Variants in CACNB2 observed in about 807,000 individuals in gnomAD.
The protein encoded by CACNB2 is voltage-dependent L-type calcium channel subunit beta-2.
A neutral mutation model predicts 73.3 loss-of-function variants in CACNB2; 42 were observed. The ratio of observed to expected loss-of-function variants is 0.57; its 90% CI spans 0.45 to 0.74. CACNB2 has a LOEUF of 0.74. Ranked by LOEUF, CACNB2 falls within the 30% of genes least tolerant of loss-of-function variation. The probability of loss-of-function intolerance (pLI) is 0.00; values close to 1 mark genes in which losing one functional copy is unlikely to be tolerated. For synonymous variants in CACNB2, 348 were observed against 310.3 expected (o/e 1.12, Z -1.28); for missense variants, 940 against 853.0 (o/e 1.10, Z -1.27).
chr10:18,418,064 TTTTG>T lies in CACNB2; in HGVS notation c.333+16033_333+16036del, dbSNP rs1199867784. On this transcript the variant is annotated intron_variant, in intron 3 of 13. Coordinates refer to ENST00000324631, the MANE Select transcript of CACNB2 (RefSeq NM_201596.3). ...AGTGCAGGAGTGCAGGGTTGTGGTT[TTTTG>T]TTTGTTTGTTTATTTGTTTGTTTTT... Among the ~76,000 whole-genome samples, 29 of 152,040 alleles carry T rather than the reference TTTTG, an allele frequency of 1.9e-4. No homozygotes were observed. In the East Asian group the frequency reaches 4.8e-3, roughly 25 times the overall value.
At position 18,212,362 on chromosome 10, in the gene CACNB2, T is replaced by C. The variant is rs574607037; in HGVS notation, c.213+61387T>C. Among the ~76,000 whole-genome samples the C allele has an allele frequency of 5.4e-5, 4 of 73,902 alleles. No individual in the cohort carries two copies. In the East Asian group the frequency reaches 7.3e-4, roughly 13 times the overall value. The allele number at this position is 73,902 out of a possible 152,430, so 48.5% of individuals were successfully genotyped here. ...ACTTGATACCTTTTGCCATATATTG[T>C]GTTTTTTTGCTTTTTATATTGATTT... On this transcript the variant is annotated intron_variant, in intron 2 of 13. Coordinates refer to ENST00000324631, the MANE Select transcript of CACNB2 (RefSeq NM_201596.3).
chr10:18,331,457 TA>T lies in CACNB2; in HGVS notation c.214-70452del, dbSNP rs559677087. On this transcript the variant is annotated intron_variant, in intron 2 of 13. Coordinates refer to ENST00000324631, the MANE Select transcript of CACNB2 (RefSeq NM_201596.3). ...GAACATAGCTAGATGGCATCTCATT[TA>T]AAAAAAAAAAAAAAGGATGGGGGGG... Among the ~76,000 whole-genome samples the T allele has an allele frequency of 9.0e-3, 1,249 of 138,124 alleles. 4 individuals carry two copies. Among genetic ancestry groups the T allele is most frequent in the African/African-American group, 0.016 (595 of 37,572 alleles). 90.6% of individuals were successfully genotyped at this position (138,124 alleles called of 152,430 possible). A position where few individuals can be genotyped will look rare whatever the true frequency, so the allele number is the denominator to read the frequency against.
At chr10:18,368,646 T>C (rs2042451406) in intron 2 of CACNB2, among the ~76,000 whole-genome samples, 1 of 152,216 alleles carries the variant, frequency 6.6e-6, no homozygotes, top group African/African-American at 2.4e-5. Context: ...AATAAAAGAA[T>C]GTAAATGTAT....
intron 2 of CACNB2, among the ~76,000 whole-genome samples, chr10:18,367,047 C>T (rs1267294143): frequency 6.6e-6 from 1 of 152,078 alleles, no homozygotes; most frequent in Non-Finnish European, 1.5e-5. Context: ...GAGGTGTGTA[C>T]GAAACATGTA....
intron 10 of CACNB2, among the ~76,000 whole-genome samples, chr10:18,531,468 A>T (rs1258873473): frequency 6.6e-6 from 1 of 152,196 alleles, no homozygotes; most frequent in Non-Finnish European, 1.5e-5. Context: ...TGCTGCAGTG[A>T]ACATATACAT....
In CACNB2 at chr10:18,538,385, A is replaced by ATATC. The variant is rs1564674803; in HGVS notation, c.1488+24_1488+27dup. ...TCACAGGTAAGGGGAGTTTTTATAT[A>ATATC]TATCTATATATACAATCTTCATAGA... On this transcript the variant is annotated intron_variant, in intron 13 of 13. Transcript: ENST00000324631. The ATATC allele has an allele frequency of 1.9e-6, 3 of 1,604,580 alleles. No individual in the cohort carries two copies. Among genetic ancestry groups the ATATC allele is most frequent in the East Asian group, 4.5e-5 (2 of 44,800 alleles).
intron 2 of CACNB2, among the ~76,000 whole-genome samples, chr10:18,283,342 G>A (rs1224021569): frequency 4.6e-5 from 7 of 152,072 alleles, no homozygotes; most frequent in Non-Finnish European, 8.8e-5. Context: ...AGGATTATAC[G>A]TCATGCTGCG....
chr10:18,461,243 CT>C (rs2047559352), intron 3 of CACNB2, among the ~76,000 whole-genome samples: 1 of 152,138 alleles, frequency 6.6e-6, no homozygotes, highest in Non-Finnish European at 1.5e-5. Flanking sequence ...ACCAGCATCC[CT>C]TCTTCAATTA....
chr10:18,330,834 G>A (rs12258323), intron 2 of CACNB2, among the ~76,000 whole-genome samples: 52,406 of 150,864 alleles, frequency 0.35, 9,781 homozygotes, highest in African/African-American at 0.49. Context: ...ACGCCTGGCT[G>A]ATTTTTGTAT....
intron 3 of CACNB2, among the ~76,000 whole-genome samples, chr10:18,416,115 T>C (rs150034817): frequency 6.6e-6 from 1 of 152,124 alleles, no homozygotes; most frequent in Admixed American, 6.5e-5. Flanking sequence ...ACTGTATGTT[T>C]GTACCCTTTA....
chr10:18,319,954 A>G (rs934960884), intron 2 of CACNB2, among the ~76,000 whole-genome samples: 1 of 152,152 alleles, frequency 6.6e-6, no homozygotes, highest in Admixed American at 6.5e-5. Flanking sequence ...TGGTGAGGAT[A>G]GCAGCACGTG....
chr10:18,352,675 C>T (rs1229669737), intron 2 of CACNB2, among the ~76,000 whole-genome samples: 1 of 152,112 alleles, frequency 6.6e-6, no homozygotes. Flanking sequence ...GCATAGGTTT[C>T]GTTGCAAAAA....
chr10:18,246,875 G>A (rs1338075975), intron 2 of CACNB2, among the ~76,000 whole-genome samples: 4 of 152,154 alleles, frequency 2.6e-5, no homozygotes, highest in African/African-American at 7.2e-5. Context: ...ACCTCACTGA[G>A]TGCTGGAATT....
intron 3 of CACNB2, among the ~76,000 whole-genome samples, chr10:18,485,502 T>A (rs2049007598): frequency 6.7e-6 from 1 of 149,210 alleles, no homozygotes. Flanking sequence ...AATAAGTGGA[T>A]AAAAAAAACG....
intron 2 of CACNB2, among the ~76,000 whole-genome samples, chr10:18,167,596 G>T (rs2032941943): frequency 6.6e-6 from 1 of 152,102 alleles, no homozygotes; most frequent in African/African-American, 2.4e-5. Context: ...CATCGACTGT[G>T]AAAAATTGTC....
At chr10:18,381,788 A>G (rs11013950) in intron 2 of CACNB2, among the ~76,000 whole-genome samples, 47,433 of 151,698 alleles carry the variant, frequency 0.31, 7,666 homozygotes, top group African/African-American at 0.31. Flanking sequence ...TTGTGTTCGT[A>G]TATTACATCA....
chr10:18,382,882 T>C (rs1429166565), intron 2 of CACNB2, among the ~76,000 whole-genome samples: 9 of 152,238 alleles, frequency 5.9e-5, no homozygotes, highest in Non-Finnish European at 1.3e-4. Context: ...TAGAATGATT[T>C]ATATTCCTTT....
intron 7 of CACNB2, among the ~76,000 whole-genome samples, chr10:18,515,813 G>A (rs1023343776): frequency 6.6e-5 from 10 of 152,232 alleles, no homozygotes; most frequent in Admixed American, 1.3e-4. Flanking sequence ...GGCCTTGACG[G>A]AGCAGGAATG....
In CACNB2 at chr10:18,296,718, G is replaced by T. The variant is rs115338787; in HGVS notation, c.214-105206G>T. Among the ~76,000 whole-genome samples the T allele has an allele frequency of 9.9e-3, 1,510 of 152,282 alleles. 12 individuals are homozygous for T. The highest frequency in any genetic ancestry group is 0.016 in the African/African-American group (683 of 41,560). On this transcript the variant is annotated intron_variant, in intron 2 of 13. Transcript: ENST00000324631. ...AGATTTAAAAGGGAACAAGTCATCA[G>T]TTCCTATCTCAAAACTGGCCCATTT...
Sources: allele counts gnomAD v4.1 joint callset (sites outside exome capture counted in the v4.1 genomes callset), GRCh38; gene constraint gnomAD v4.1.1; transcripts MANE v1.5; gene names NCBI Gene and HGNC (gene_info 2026-07-23, HGNC 2026-07-21).